GCH1: variants seen among roughly 807,000 people sequenced by gnomAD.
GCH1 encodes the protein GTP cyclohydrolase I.
GCH1 carries 5 observed loss-of-function variants against 25.9 expected under a neutral mutation model. That is an observed-to-expected ratio of 0.19 (90% CI 0.10 to 0.41). The LOEUF is 0.41. Among genes scored for constraint, GCH1 ranks in the 10% least tolerant of loss-of-function variants. The pLI is 1.00. For missense variants in GCH1, 261 were observed against 336.5 expected (o/e 0.78, Z 1.75); for synonymous variants, 159 against 129.6 (o/e 1.23, Z -1.54).
At chr14:54,862,674 T>C (rs1408044691) in intron 2 of GCH1, among the ~76,000 whole-genome samples, 1 of 141,424 alleles carries the variant, frequency 7.1e-6, no homozygotes, top group Admixed American at 7.6e-5. Flanking sequence ...CTCAAACTCC[T>C]GAGCTCAAAG....
intron 3 of GCH1, among the ~76,000 whole-genome samples, chr14:54,854,467 T>G (rs1274844615): frequency 6.6e-6 from 1 of 151,544 alleles, no homozygotes; most frequent in Non-Finnish European, 1.5e-5. Context: ...CACCCCAAAA[T>G]ACACTCCAGA....
At chr14:54,847,890 A>T (rs867237738) in intron 3 of GCH1, among the ~76,000 whole-genome samples, 2 of 152,138 alleles carry the variant, frequency 1.3e-5, no homozygotes, top group Non-Finnish European at 2.9e-5. Context: ...CTGATTAATC[A>T]TATTGTTTTA....
At position 54,894,539 on chromosome 14, in the gene GCH1, C is replaced by T. The variant is rs532070940; in HGVS notation, c.343+7782G>A. Among the ~76,000 whole-genome samples the T allele has an allele frequency of 2.6e-5, 4 of 152,278 alleles. No individual in the cohort carries two copies. In the East Asian group the frequency reaches 7.7e-4, roughly 29 times the overall value. The stretch of plus-strand genomic sequence containing the variant: ...ACTGTGTGATAGCAGCCCTGGGAAT[C>T]TAGTACGAGTACCAACCTGAAGGCT... On this transcript the variant is annotated intron_variant, in intron 1 of 5. Transcript: ENST00000491895.
chr14:54,872,458 G>T (rs2040095367), intron 1 of GCH1, among the ~76,000 whole-genome samples: 1 of 152,126 alleles, frequency 6.6e-6, no homozygotes, highest in Non-Finnish European at 1.5e-5. Flanking sequence ...AAAATAACCA[G>T]CTAACATCAT....
At chr14:54,894,453 C>G (rs2040460244) in intron 1 of GCH1, among the ~76,000 whole-genome samples, 3 of 152,110 alleles carry the variant, frequency 2.0e-5, no homozygotes, top group African/African-American at 7.2e-5. Context: ...GATTTTGGAA[C>G]TTTAGTCTCT....
intron 1 of GCH1, among the ~76,000 whole-genome samples, chr14:54,870,431 T>A (rs904501231): frequency 1.4e-5 from 2 of 147,698 alleles, no homozygotes; most frequent in African/African-American, 5.0e-5. Flanking sequence ...GAGCAACGCA[T>A]AAGACGGGTG....
chr14:54,861,035 A>C (rs933787689), intron 2 of GCH1, among the ~76,000 whole-genome samples: 2 of 152,256 alleles, frequency 1.3e-5, no homozygotes, highest in Non-Finnish European at 2.9e-5. Context: ...TAGTTCTCTG[A>C]AAAGATTAAT....
rs1362838685 is a variant in GCH1, at chr14:54,900,417, G to GA, written c.343+1903dup. On this transcript the variant is annotated intron_variant, in intron 1 of 5. Transcript: ENST00000491895. ...AGTAGAGACGGGGTTTCGCCATGTTGACCGGGCTGGTCTTGAACTCCTGAC... is the reference window on the plus strand; with the variant it reads ...AGTAGAGACGGGGTTTCGCCATGTTGAACCGGGCTGGTCTTGAACTCCTGAC... Among the ~76,000 whole-genome samples, 6 of 151,216 alleles carry GA rather than the reference G, an allele frequency of 4.0e-5. No homozygotes were observed. In the East Asian group the frequency reaches 1.2e-3, roughly 30 times the overall value.
At chr14:54,895,066 C>T (rs1261831849) in intron 1 of GCH1, among the ~76,000 whole-genome samples, 1 of 152,162 alleles carries the variant, frequency 6.6e-6, no homozygotes, top group Non-Finnish European at 1.5e-5. Context: ...TTTAATAAAT[C>T]CGAGAGGTTT....
In GCH1 at chr14:54,843,296, T is replaced by C. The variant is rs759090432; in HGVS notation, c.*721A>G. 1.2e-4 allele frequency: 159 copies of C among 1,352,700 alleles called. No homozygotes were observed. The Middle Eastern group carries it at 2.7e-3, about 23-fold the overall frequency. 83.8% of individuals were successfully genotyped at this position (1,352,700 alleles called of 1,614,324 possible). A position where few individuals can be genotyped will look rare whatever the true frequency, so the allele number is the denominator to read the frequency against. ...ATCTACACTCTAAATGATATTCTTA[T>C]CAAGGCACAGAGAGTTAAATGTCTA... is the stretch of plus-strand genomic sequence containing the variant. On this transcript the variant is annotated 3_prime_UTR_variant, in exon 6 of 6. Transcript: ENST00000491895.
intron 1 of GCH1, among the ~76,000 whole-genome samples, chr14:54,874,303 TAAA>T (rs1324353640): frequency 2.3e-4 from 35 of 152,230 alleles, no homozygotes; most frequent in Non-Finnish European, 1.5e-5. Context: ...CGCTTCATGC[TAAA>T]AACTCTCAAT....
At chr14:54,853,845 T>C (rs4411417) in intron 3 of GCH1, among the ~76,000 whole-genome samples, 33,042 of 152,046 alleles carry the variant, frequency 0.22, 3,739 homozygotes, top group East Asian at 0.36. Flanking sequence ...GAATTATTTA[T>C]ACACATGCAA....
At chr14:54,881,516 C>T (rs1035336321) in intron 1 of GCH1, among the ~76,000 whole-genome samples, 2 of 152,118 alleles carry the variant, frequency 1.3e-5, no homozygotes, top group South Asian at 2.1e-4. Context: ...TTAGAGCTTC[C>T]GACACTCACA....
Position 54,902,707 on chromosome 14 carries a change from C to T in GCH1, c.-44G>A. 1 of 1,407,632 alleles carries T rather than the reference C, an allele frequency of 7.1e-7. No individual in the cohort carries two copies. The highest frequency in any genetic ancestry group is 3.0e-5 in the East Asian group (1 of 33,764). The allele number at this position is 1,407,632 out of a possible 1,614,324, so 87.2% of individuals were successfully genotyped here. Reference sequence around the variant, plus strand: ...GCCGTTCGGGAAGGACCCCGGGGCGCTTCGAGGTCTGCGGCTAAACTCCGC... The same window carrying T: ...GCCGTTCGGGAAGGACCCCGGGGCGTTTCGAGGTCTGCGGCTAAACTCCGC... On this transcript the variant is annotated 5_prime_UTR_variant, in exon 1 of 6. Transcript: ENST00000491895.
rs1594971305 is a variant in GCH1 at position 54,847,124 on chromosome 14, T to C, written c.516A>G (p.Val172=). ...VLGLSKLARI[V]EIYSRRLQVQ... is the part of the protein sequence containing the mutation. ...CTTGTAGTCTTCTACTATAGATTTC[T>C]ACAATCCTAGAAAAGAAAGAATTGT... Residue 172 remains valine (V), a synonymous_variant, in exon 4 of 6, where the codon GTA becomes GTG. Coordinates refer to ENST00000491895, the MANE Select transcript of GCH1 (RefSeq NM_000161.3). 1.0e-6 allele frequency: 1 copy of C among 978,278 alleles called. No homozygotes were observed. The highest frequency in any genetic ancestry group is 1.6e-6 in the Non-Finnish European group (1 of 622,088). 60.6% of individuals were successfully genotyped at this position (978,278 alleles called of 1,614,324 possible). A position where few individuals can be genotyped will look rare whatever the true frequency, so the allele number is the denominator to read the frequency against.
intron 1 of GCH1, among the ~76,000 whole-genome samples, chr14:54,891,825 TCCTA>T (rs2040427434): frequency 6.6e-6 from 1 of 152,210 alleles, no homozygotes; most frequent in Non-Finnish European, 1.5e-5. Context: ...TGTCTATGCT[TCCTA>T]CCTAATAGTC....
At chr14:54,868,803 T>C (rs2040025896) in intron 1 of GCH1, among the ~76,000 whole-genome samples, 1 of 151,984 alleles carries the variant, frequency 6.6e-6, no homozygotes, top group South Asian at 2.1e-4. Flanking sequence ...GGTTTCACCA[T>C]GCCAGCCAGG....
At chr14:54,882,027 T>G (rs1161976528) in intron 1 of GCH1, among the ~76,000 whole-genome samples, 1 of 152,210 alleles carries the variant, frequency 6.6e-6, no homozygotes, top group African/African-American at 2.4e-5. Context: ...TTGCTCCTCA[T>G]TACAACAGTA....
intron 1 of GCH1, among the ~76,000 whole-genome samples, chr14:54,882,646 G>T (rs1028698115): frequency 2.6e-5 from 4 of 151,934 alleles, no homozygotes; most frequent in African/African-American, 9.7e-5. Flanking sequence ...TGATAACAAG[G>T]TCTAGTTCAC....
Sources: gnomAD v4.1 joint callset for allele counts (sites outside exome capture counted in the v4.1 genomes callset) on GRCh38, gnomAD v4.1.1 for gene constraint, MANE v1.5 for transcripts, NCBI Gene and HGNC (gene_info 2026-07-23, HGNC 2026-07-21) for gene names.